AMBRA1: variants seen among roughly 807,000 people sequenced by gnomAD.
AMBRA1 encodes the protein activating molecule in BECN1-regulated autophagy protein 1.
Under a neutral mutation model 125.4 loss-of-function variants are expected in AMBRA1, and 47 were observed. The ratio of observed to expected loss-of-function variants is 0.37; its 90% CI spans 0.30 to 0.48. AMBRA1 has a LOEUF of 0.48. Among genes scored for constraint, AMBRA1 ranks in the 20% least tolerant of loss-of-function variants. The pLI is 0.99. For missense variants in AMBRA1, 1,331 were observed against 1,693.4 expected (o/e 0.79, Z 3.76); for synonymous variants, 626 against 655.5 (o/e 0.95, Z 0.69).
At chr11:46,479,619 C>T (rs1244034673) in intron 11 of AMBRA1, among the ~76,000 whole-genome samples, 1 of 152,034 alleles carries the variant, frequency 6.6e-6, no homozygotes, top group African/African-American at 2.4e-5. Flanking sequence ...ATCACTTGAA[C>T]CCAGGAGGCG....
chr11:46,398,091 A>G, intron 17 of AMBRA1, 148 bp from the exon 18 acceptor site: 1 of 1,132,470 alleles, frequency 8.8e-7, no homozygotes, highest in South Asian at 1.7e-5. Context: ...AACCAATCCG[A>G]GTCTTGAAAG....
intron 11 of AMBRA1, among the ~76,000 whole-genome samples, chr11:46,465,647 G>A (rs1336863573): frequency 6.6e-6 from 1 of 152,190 alleles, no homozygotes; most frequent in African/African-American, 2.4e-5. Flanking sequence ...AGTGGAGACT[G>A]CATAGGGCTT....
At chr11:46,529,244 G>A (rs565029314) in intron 7 of AMBRA1, among the ~76,000 whole-genome samples, 23 of 152,322 alleles carry the variant, frequency 1.5e-4, no homozygotes, top group South Asian at 2.1e-4. Flanking sequence ...ATAATCTGGC[G>A]TAATGGAGAT....
chr11:46,419,931 G>A (rs1455389671), intron 14 of AMBRA1, among the ~76,000 whole-genome samples: 2 of 149,650 alleles, frequency 1.3e-5, no homozygotes, highest in Non-Finnish European at 3.0e-5. Context: ...CCTTGGGTAC[G>A]TATCTGAAAG....
chr11:46,590,502 T>A (rs963391380), intron 1 of AMBRA1, among the ~76,000 whole-genome samples: 5 of 152,012 alleles, frequency 3.3e-5, no homozygotes, highest in Non-Finnish European at 7.4e-5. Context: ...ACTTTATTAA[T>A]AAAAATAATC....
intron 9 of AMBRA1, among the ~76,000 whole-genome samples, chr11:46,501,544 C>T (rs1162454879): frequency 2.6e-5 from 4 of 152,182 alleles, no homozygotes; most frequent in African/African-American, 9.7e-5. Context: ...AGATGCACAA[C>T]AATAATGATG....
intron 7 of AMBRA1, among the ~76,000 whole-genome samples, chr11:46,532,076 G>A (rs1213048217): frequency 6.6e-6 from 1 of 152,120 alleles, no homozygotes; most frequent in Admixed American, 6.6e-5. Context: ...CTGAGATCGG[G>A]CCACTGCACT....
intron 8 of AMBRA1, among the ~76,000 whole-genome samples, chr11:46,509,875 G>GA (rs967508409): frequency 2.6e-5 from 4 of 152,106 alleles, no homozygotes; most frequent in Admixed American, 6.5e-5. Flanking sequence ...ATGGAAATCA[G>GA]AAAAAAATTG....
chr11:46,521,178 C>T (rs1224063097), intron 7 of AMBRA1, among the ~76,000 whole-genome samples: 1 of 152,236 alleles, frequency 6.6e-6, no homozygotes, highest in African/African-American at 2.4e-5. Context: ...TGCCCAAAAC[C>T]TCACACTAAA....
intron 1 of AMBRA1, among the ~76,000 whole-genome samples, chr11:46,575,134 C>G (rs2043909301): frequency 6.6e-6 from 1 of 152,150 alleles, no homozygotes; most frequent in South Asian, 2.1e-4. Context: ...CAGTAACTCC[C>G]TCTTAGTCCT....
intron 7 of AMBRA1, among the ~76,000 whole-genome samples, chr11:46,523,149 G>C (rs1470881605): frequency 6.6e-6 from 1 of 152,152 alleles, no homozygotes; most frequent in Non-Finnish European, 1.5e-5. Flanking sequence ...GTTAGCCCTT[G>C]AGCTAACACA....
chr11:46,558,241 G>A (rs530436774), intron 1 of AMBRA1, among the ~76,000 whole-genome samples: 8 of 152,034 alleles, frequency 5.3e-5, no homozygotes, highest in Non-Finnish European at 1.2e-4. Flanking sequence ...TACATCAATA[G>A]ATAACTAAAA....
chr11:46,542,259 T>C lies in AMBRA1; in HGVS notation c.1758A>G (p.Arg586=). 1 of 1,614,090 alleles carries C rather than the reference T, an allele frequency of 6.2e-7. No individual in the cohort carries two copies. The highest frequency in any genetic ancestry group is 8.5e-7 in the Non-Finnish European group (1 of 1,180,026). Residue 586 remains arginine, a synonymous_variant, in exon 7 of 18, where the codon AGA becomes AGG. Coordinates refer to ENST00000683756, the MANE Select transcript of AMBRA1 (RefSeq NM_001387011.1). The surrounding 1 kb of genome is among the most constrained non-coding windows in gnomAD (Gnocchi z 5.9). ...TFNNDTLRWE[R]TTPNYSSGEA... is the part of the protein sequence containing the mutation. ...CGCCAGAGGAGTAGTTAGGTGTGGT[T>C]CTTTCCCAGCGCAGGGTATCGTTGT...
At chr11:46,578,253 G>A (rs1316128297) in intron 1 of AMBRA1, among the ~76,000 whole-genome samples, 2 of 152,100 alleles carry the variant, frequency 1.3e-5, no homozygotes, top group Admixed American at 6.6e-5. Flanking sequence ...TTAGGAAGCC[G>A]AGGCGGGTGG....
intron 10 of AMBRA1, 188 bp from the exon 11 acceptor site, chr11:46,493,896 T>A (rs1341647798): frequency 3.1e-6 from 2 of 636,166 alleles, no homozygotes; most frequent in Non-Finnish European, 5.4e-6. Flanking sequence ...CCTTCTAAAG[T>A]TCCCCCAACA....
At chr11:46,473,853 T>G (rs1285984796) in intron 11 of AMBRA1, among the ~76,000 whole-genome samples, 1 of 152,218 alleles carries the variant, frequency 6.6e-6, no homozygotes, top group Admixed American at 6.5e-5. Context: ...TGTTTCACCG[T>G]GTTAGCCACG....
intron 1 of AMBRA1, among the ~76,000 whole-genome samples, chr11:46,568,087 GC>G (rs2043600085): frequency 6.6e-6 from 1 of 152,096 alleles, no homozygotes; most frequent in African/African-American, 2.4e-5. Context: ...GGTGGAGGTT[GC>G]AGTAAGCTGA....
At chr11:46,522,916 A>G (rs1250599468) in intron 7 of AMBRA1, among the ~76,000 whole-genome samples, 1 of 152,188 alleles carries the variant, frequency 6.6e-6, no homozygotes, top group Non-Finnish European at 1.5e-5. Context: ...AACACTATAT[A>G]ATAGGAAGTA....
chr11:46,538,531 T>A (rs1952587654), intron 7 of AMBRA1, among the ~76,000 whole-genome samples: 1 of 152,218 alleles, frequency 6.6e-6, no homozygotes, highest in South Asian at 2.1e-4. Flanking sequence ...TCTTGCTCTG[T>A]CGCCCAGGCT....
Sources: allele counts gnomAD v4.1 joint callset (sites outside exome capture counted in the v4.1 genomes callset), GRCh38; gene constraint gnomAD v4.1.1; non-coding constraint Gnocchi (gnomAD v3.1); transcripts MANE v1.5; gene names NCBI Gene and HGNC (gene_info 2026-07-23, HGNC 2026-07-21).